The following PDE1A variants were observed in gnomAD, a reference collection of about 807,000 sequenced individuals.
PDE1A encodes dual specificity calcium/calmodulin-dependent 3',5'-cyclic nucleotide phosphodiesterase 1A.
In PDE1A, 35 loss-of-function variants were observed where a neutral mutation model predicts 61.7. The ratio of observed to expected loss-of-function variants is 0.57; its 90% CI spans 0.43 to 0.75. The LOEUF (loss-of-function observed/expected upper bound fraction) is 0.75. Among genes scored for constraint, PDE1A ranks in the 30% least tolerant of loss-of-function variants. The pLI, the probability that PDE1A is intolerant of heterozygous loss-of-function variation, is 0.00. For missense variants in PDE1A, 597 were observed against 630.6 expected, an observed-to-expected ratio of 0.95 and a Z score of 0.57; for synonymous variants, 232 against 213.2, an observed-to-expected ratio of 1.09 and a Z score of -0.77.
intron 1 of PDE1A, among the ~76,000 whole-genome samples, chr2:182,304,048 G>C (rs1208538334): frequency 6.6e-6 from 1 of 151,574 alleles, no homozygotes; most frequent in South Asian, 2.1e-4. Flanking sequence ...CTACAGGTGT[G>C]TGCCACCATG....
At chr2:182,436,712 A>G (rs753065808) in intron 2 of PDE1A, among the ~76,000 whole-genome samples, 25 of 152,148 alleles carry the variant, frequency 1.6e-4, no homozygotes, top group Admixed American at 2.6e-4. Context: ...TTAATTCTAC[A>G]TAACACACCC....
At chr2:182,219,070 A>G (rs1207755854) in intron 7 of PDE1A, among the ~76,000 whole-genome samples, 1 of 152,114 alleles carries the variant, frequency 6.6e-6, no homozygotes, top group East Asian at 1.9e-4. Flanking sequence ...GATGAAAATC[A>G]TTTGATCTAT....
intron 10 of PDE1A, among the ~76,000 whole-genome samples, chr2:182,194,860 C>T (rs1172672211): frequency 6.8e-6 from 1 of 147,924 alleles, no homozygotes. Context: ...CACAAAATTT[C>T]TCTGCATTTT....
chr2:182,406,652 A>T (rs1023917441), intron 1 of PDE1A, among the ~76,000 whole-genome samples: 1 of 152,150 alleles, frequency 6.6e-6, no homozygotes, highest in Non-Finnish European at 1.5e-5. Context: ...TTTTATGTAT[A>T]AAAAATTATT....
intron 1 of PDE1A, among the ~76,000 whole-genome samples, chr2:182,351,187 A>C (rs577855529): frequency 6.6e-5 from 10 of 152,334 alleles, no homozygotes; most frequent in Admixed American, 1.3e-4. Context: ...GCCTCGCAGC[A>C]CTTGAGGACT....
the PDE1A span, among the ~76,000 whole-genome samples, chr2:182,647,797 G>A: frequency 6.6e-6 from 1 of 152,054 alleles, no homozygotes; most frequent in Non-Finnish European, 1.5e-5. Context: ...TAGAAAAATT[G>A]GCTTTCGAAA....
rs561570837 is a variant in PDE1A at position 182,466,958 on chromosome 2, C to T, written c.101+55318G>A. On this transcript the variant is annotated intron_variant, in intron 2 of 14. Coordinates refer to the PDE1A transcript ENST00000410103. ...ACTCTGCTCTTCCCATACGGGTATA[C>T]TAAGAGGAGCTCTTAAGATTTGTCT... Among the ~76,000 whole-genome samples the T allele has an allele frequency of 2.6e-4, 40 of 152,134 alleles. No homozygotes were observed. In the South Asian group the frequency reaches 7.7e-3, roughly 29 times the overall value.
chr2:182,534,508 C>T, the PDE1A span, among the ~76,000 whole-genome samples: 225 of 151,826 alleles, frequency 1.5e-3, 1 homozygote, highest in Middle Eastern at 0.017. Context: ...TTTCAAATTA[C>T]TTACCAGTTT....
intron 13 of PDE1A, among the ~76,000 whole-genome samples, chr2:182,160,606 A>G (rs1691326248): frequency 1.3e-5 from 2 of 152,160 alleles, no homozygotes; most frequent in Non-Finnish European, 2.9e-5. Flanking sequence ...CGTTAGCCTC[A>G]GACTGGGGCT....
intron 1 of PDE1A, among the ~76,000 whole-genome samples, chr2:182,322,347 G>C (rs889519914): frequency 6.6e-5 from 10 of 152,146 alleles, no homozygotes; most frequent in Admixed American, 4.6e-4. Flanking sequence ...CCCACGTGTT[G>C]TGGGAGGGAC....
At chr2:182,505,334 C>G (rs1476939642) in intron 2 of PDE1A, among the ~76,000 whole-genome samples, 1 of 152,190 alleles carries the variant, frequency 6.6e-6, no homozygotes, top group East Asian at 1.9e-4. Flanking sequence ...CTGCCTCCTA[C>G]CCACTATGTA....
chr2:182,501,971 G>C (rs561507008), intron 2 of PDE1A, among the ~76,000 whole-genome samples: 2 of 152,058 alleles, frequency 1.3e-5, no homozygotes, highest in Non-Finnish European at 2.9e-5. Flanking sequence ...TGAACTGAAC[G>C]TAACAGGAAA....
At chr2:182,438,573 T>C (rs1285713597) in intron 2 of PDE1A, among the ~76,000 whole-genome samples, 2 of 151,884 alleles carry the variant, frequency 1.3e-5, no homozygotes, top group African/African-American at 2.4e-5. Flanking sequence ...TGCTTGGAAG[T>C]TCATCAGGGG....
intron 10 of PDE1A, among the ~76,000 whole-genome samples, chr2:182,194,852 C>G (rs1381269595): frequency 6.7e-6 from 1 of 150,144 alleles, no homozygotes; most frequent in African/African-American, 2.5e-5. Context: ...TAACACATCA[C>G]AAAATTTCTC....
the PDE1A span, among the ~76,000 whole-genome samples, chr2:182,652,359 T>C: frequency 6.6e-6 from 1 of 152,188 alleles, no homozygotes; most frequent in Non-Finnish European, 1.5e-5. Context: ...TTCTGCAGTC[T>C]AGAAACACAC....
downstream of PDE1A, among the ~76,000 whole-genome samples, chr2:182,166,501 G>A (rs1242744188): frequency 6.6e-6 from 1 of 152,110 alleles, no homozygotes; most frequent in Non-Finnish European, 1.5e-5. Flanking sequence ...CCGGGAAGGG[G>A]GTGGTCTAAG....
chr2:182,334,360 G>T (rs1025583590), intron 1 of PDE1A, among the ~76,000 whole-genome samples: 1 of 151,002 alleles, frequency 6.6e-6, no homozygotes, highest in Non-Finnish European at 1.5e-5. Context: ...GATGAACATC[G>T]ATGCAAAAAT....
At chr2:182,392,613 C>G (rs1701484684) in intron 1 of PDE1A, among the ~76,000 whole-genome samples, 1 of 152,212 alleles carries the variant, frequency 6.6e-6, no homozygotes, top group African/African-American at 2.4e-5. Context: ...TGTAACAAGG[C>G]AAGTCCCTTC....
At chr2:182,221,174 C>G (rs1437201238) in intron 7 of PDE1A, among the ~76,000 whole-genome samples, 3 of 151,936 alleles carry the variant, frequency 2.0e-5, no homozygotes, top group Non-Finnish European at 4.4e-5. Flanking sequence ...CAGGACTCTT[C>G]ATCCACTTGC....
Sources: gnomAD v4.1 joint callset for allele counts (sites outside exome capture counted in the v4.1 genomes callset) on GRCh38, gnomAD v4.1.1 for gene constraint, MANE v1.5 for transcripts, NCBI Gene and HGNC (gene_info 2026-07-23, HGNC 2026-07-21) for gene names.